The following DGCR8 variants were observed in gnomAD, a reference collection of about 807,000 sequenced individuals.
DGCR8 encodes microprocessor complex subunit DGCR8.
DGCR8 carries 14 observed loss-of-function variants against 78.5 expected under a neutral mutation model. That is an observed-to-expected ratio of 0.18 (90% CI 0.12 to 0.28). DGCR8 has a LOEUF of 0.28. DGCR8 is among the 10% of genes least tolerant of loss of function. DGCR8 has a pLI of 1.00. For synonymous variants in DGCR8, 399 were observed against 402.4 expected, an observed-to-expected ratio of 0.99 and a Z score of 0.10; for missense variants, 702 against 1,022.5, an observed-to-expected ratio of 0.69 and a Z score of 4.28.
In DGCR8 at chr22:20,110,645, GAGAA is replaced by G. The variant is rs2049829377; in HGVS notation, c.*540_*543del. ...TTTCCCCTTCTTTGAAAAGGTAGAA[GAGAA>G]AGGAATATTTTAAACCTTTTTGGCT... On this transcript the variant is annotated 3_prime_UTR_variant, in exon 14 of 14. Coordinates refer to ENST00000351989, the MANE Select transcript of DGCR8 (RefSeq NM_022720.7). 6.4e-6 allele frequency: 1 copy of G among 155,040 alleles called. No homozygotes were observed. Among genetic ancestry groups the G allele is most frequent in the South Asian group, 2.1e-4 (1 of 4,878 alleles). The allele number at this position is 155,040 out of a possible 1,614,324, so 9.6% of individuals were successfully genotyped here.
chr22:20,105,565 C>G (rs970834126), intron 9 of DGCR8, among the ~76,000 whole-genome samples: 1 of 152,218 alleles, frequency 6.6e-6, no homozygotes, highest in Non-Finnish European at 1.5e-5. Flanking sequence ...TGTGTGGAAT[C>G]TCCCCATCAC....
At position 20,089,719 on chromosome 22, in the gene DGCR8, T is replaced by C; in HGVS notation, c.931T>C (p.Phe311Leu). 6.2e-7 allele frequency: 1 copy of C among 1,613,970 alleles called. No individual in the cohort carries two copies. The highest frequency in any genetic ancestry group is 8.5e-7 in the Non-Finnish European group (1 of 1,179,974). Residue 311 changes from phenylalanine (F) to leucine (L), a missense_variant, in exon 4 of 14, where the codon TTC (phenylalanine) becomes CTC (leucine). Physicochemically the swap from Phe to Leu is conservative, Grantham distance 22. Transcript: ENST00000351989. The surrounding 1 kb of genome is among the most constrained non-coding windows in gnomAD (Gnocchi z 4.9). ...EPLPDGWIMT[F>L]HNSGVPVYLH... ...GCTGCCCGACGGGTGGATCATGACA[T>C]TCCATAACTCTGGAGTCCCGGTGTA...
Position 20,106,679 on chromosome 22 carries a change from GCA to G in DGCR8, c.1982_1983del (p.Thr661SerfsTer6), listed in dbSNP as rs771903951. 6.2e-7 allele frequency: 1 copy of G among 1,613,800 alleles called. No homozygotes were observed. The highest frequency in any genetic ancestry group is 8.5e-7 in the Non-Finnish European group (1 of 1,179,666). ...GTGAATACGTCATGGCGTGTGGCAA[GCA>G]CACAGTGCGCGGGTGGTGTAAGGAC... Reference protein sequence around the residue: ...KSEYVMACGKHTVRGWCKNKR... With the variant: ...KSEYVMACGKXTVRGWCKNKR... On this transcript the variant is annotated frameshift_variant, in exon 11 of 14. Coordinates refer to ENST00000351989, the MANE Select transcript of DGCR8 (RefSeq NM_022720.7). LOFTEE classifies it high-confidence loss of function.
Position 20,111,157 on chromosome 22 carries a change from G to T in DGCR8, c.*1049G>T. The T allele has an allele frequency of 7.5e-6, 3 of 398,692 alleles. No homozygotes were observed. In the South Asian group the frequency reaches 3.9e-4, roughly 51 times the overall value. 24.7% of individuals were successfully genotyped at this position (398,692 alleles called of 1,614,324 possible). A position where few individuals can be genotyped will look rare whatever the true frequency, so the allele number is the denominator to read the frequency against. On this transcript the variant is annotated 3_prime_UTR_variant, in exon 14 of 14. Transcript: ENST00000351989. ...CTGCCTGGTGCCCAGCTTGCTTCTC[G>T]ACTGGTGGCCCCTATGGGTGGGTGT...
Position 20,107,283 on chromosome 22 carries a change from G to T in DGCR8, c.2009G>T (p.Arg670Ile). The T allele has an allele frequency of 6.2e-7, 1 of 1,614,208 alleles. No homozygotes were observed. Among genetic ancestry groups the T allele is most frequent in the Non-Finnish European group, 8.5e-7 (1 of 1,180,026 alleles). The change falls in exon 12 of 14, where the codon AGA becomes ATA. Residue 670 changes from arginine to isoleucine, a missense_variant. This residue lies in a region of DGCR8 where 225 missense variants were observed against 427.7 expected (regional missense o/e 0.53). Transcript: ENST00000351989. ...HTVRGWCKNK[R>I]VGKQLASQKI... is the part of the protein sequence containing the mutation. The stretch of plus-strand genomic sequence containing the variant: ...TTTCTCTGTGTAGGTAAGAACAAGA[G>T]AGTTGGAAAGCAGTTAGCCTCACAG...
chr22:20,088,674 C>G (rs9617860), intron 3 of DGCR8, among the ~76,000 whole-genome samples: 1 of 152,236 alleles, frequency 6.6e-6, no homozygotes. Context: ...GAATCATCAC[C>G]TGATGGTGGC....
At chr22:20,096,602 C>A in intron 9 of DGCR8, 1 of 430,754 alleles carries the variant, frequency 2.3e-6, no homozygotes, top group Non-Finnish European at 3.1e-6. Context: ...AGTTGTATAA[C>A]CATCATAACT....
chr22:20,089,880 A>G lies in DGCR8; in HGVS notation c.1023+69A>G, dbSNP rs536153624. On this transcript the variant is annotated intron_variant, in intron 4 of 13. Coordinates refer to ENST00000351989, the MANE Select transcript of DGCR8 (RefSeq NM_022720.7). The surrounding 1 kb of genome is among the most constrained non-coding windows in gnomAD (Gnocchi z 4.9). ...GACCAAAACGTGCACATCCACACACATGGCACCGCAGCCAAGCAGAGGCCG... is the reference window on the plus strand; with the variant it reads ...GACCAAAACGTGCACATCCACACACGTGGCACCGCAGCCAAGCAGAGGCCG... 110 of 1,596,610 alleles carry G rather than the reference A, an allele frequency of 6.9e-5. No individual in the cohort carries two copies. Among genetic ancestry groups the G allele is most frequent in the Middle Eastern group, 1.7e-4 (1 of 5,972 alleles).
chr22:20,083,375 G>C (rs1462008831), intron 1 of DGCR8, among the ~76,000 whole-genome samples: 1 of 150,928 alleles, frequency 6.6e-6, no homozygotes, highest in East Asian at 1.9e-4. Flanking sequence ...TGGTGTGTGT[G>C]TGTGTGATGA....
At chr22:20,101,857 T>C (rs2049706248) in intron 9 of DGCR8, 1 of 985,234 alleles carries the variant, frequency 1.0e-6, no homozygotes, top group Middle Eastern at 5.2e-4. Flanking sequence ...ATCCCCTCCT[T>C]GTGTGGACTC....
At chr22:20,088,997 C>T (rs2049522113) in intron 3 of DGCR8, among the ~76,000 whole-genome samples, 1 of 152,154 alleles carries the variant, frequency 6.6e-6, no homozygotes, top group African/African-American at 2.4e-5. Flanking sequence ...GTTGCCTAGG[C>T]TGGTCTTTCT....
At chr22:20,081,883 C>G (rs931571986) in intron 1 of DGCR8, among the ~76,000 whole-genome samples, 2 of 152,068 alleles carry the variant, frequency 1.3e-5, no homozygotes, top group African/African-American at 4.8e-5. Context: ...AAGGAGGCCC[C>G]GTCAGCTCAC....
intron 12 of DGCR8, 51 bp downstream of exon 12, chr22:20,107,449 C>A (rs747173219): frequency 6.2e-7 from 1 of 1,609,166 alleles, no homozygotes; most frequent in Non-Finnish European, 8.5e-7. Flanking sequence ...CACCCTGGAG[C>A]GTATTCCTGA....
At chr22:20,107,143 C>T in intron 11 of DGCR8, 128 bp from the exon 12 acceptor site, 1 of 1,013,664 alleles carries the variant, frequency 9.9e-7, no homozygotes, top group South Asian at 1.4e-5. Context: ...CAGAGTGCTG[C>T]CTATTCCTGT....
chr22:20,108,987 G>A lies in DGCR8; in HGVS notation c.2222G>A (p.Arg741Lys). Residue 741 changes from arginine (R) to lysine (K), a missense_variant, in exon 13 of 14, where the codon AGG (arginine) becomes AAG (lysine). Physicochemically the swap from Arg to Lys is conservative, Grantham distance 26. Around this residue, in one of 4 missense-constraint regions of DGCR8, gnomAD observed 225 missense variants for 427.7 expected, o/e 0.53. Transcript: ENST00000351989. The part of the protein sequence containing the change: ...ILSKLQEEMK[R>K]LAEEREETRK... ...AGCAAGCTCCAAGAGGAGATGAAGA[G>A]GCTAGCTGAGGAAAGGGTGAGTGCC... The A allele has an allele frequency of 6.2e-6, 10 of 1,600,110 alleles. No individual in the cohort carries two copies. The highest frequency in any genetic ancestry group is 7.7e-6 in the Non-Finnish European group (9 of 1,167,804).
At chr22:20,100,878 C>T (rs1054966721) in intron 9 of DGCR8, 3 of 966,700 alleles carry the variant, frequency 3.1e-6, no homozygotes, top group African/African-American at 1.8e-5. Context: ...AGCTCAGTTT[C>T]GTGGGACTGC....
chr22:20,080,581 C>A, intron 1 of DGCR8, 198 bp downstream of exon 1: 1 of 730,790 alleles, frequency 1.4e-6, no homozygotes, highest in Non-Finnish European at 1.7e-6. Context: ...GGCTGGGGGG[C>A]GGGCCCCGGG....
At chr22:20,099,138 G>GTCTTA (rs781220427) in intron 9 of DGCR8, among the ~76,000 whole-genome samples, 83 of 152,294 alleles carry the variant, frequency 5.4e-4, no homozygotes, top group Non-Finnish European at 8.2e-4. Flanking sequence ...GCTGCCAACT[G>GTCTTA]TCTTAGCCTT....
In DGCR8 at chr22:20,085,193, C is replaced by A; in HGVS notation, c.-277-494C>A. ...GGTCCCTGGGTAGCAGAGCGCCTGG[C>A]CATGCCTCTGAGGCCCCTAGTGCCG... On this transcript the variant is annotated intron_variant, in intron 1 of 13. Coordinates refer to ENST00000351989, the MANE Select transcript of DGCR8 (RefSeq NM_022720.7). The surrounding 1 kb of genome is among the most constrained non-coding windows in gnomAD (Gnocchi z 6.2). The A allele has an allele frequency of 3.4e-6, 1 of 291,868 alleles. No individual in the cohort carries two copies. Among genetic ancestry groups the A allele is most frequent in the Non-Finnish European group, 5.1e-6 (1 of 195,866 alleles). The allele number at this position is 291,868 out of a possible 1,614,324, so 18.1% of individuals were successfully genotyped here. A position where few individuals can be genotyped will look rare whatever the true frequency, so the allele number is the denominator to read the frequency against.
Sources: gnomAD v4.1 joint callset for allele counts (sites outside exome capture counted in the v4.1 genomes callset) on GRCh38, gnomAD v4.1.1 for gene constraint, gnomAD v4.1.1 regional missense constraint, Gnocchi (gnomAD v3.1) non-coding constraint, MANE v1.5 for transcripts, NCBI Gene and HGNC (gene_info 2026-07-23, HGNC 2026-07-21) for gene names.